The following EHHADH variants were observed in gnomAD, a reference collection of about 807,000 sequenced individuals.
The protein encoded by EHHADH is peroxisomal bifunctional enzyme.
A neutral mutation model predicts 64.4 loss-of-function variants in EHHADH; 48 were observed. That is an observed-to-expected ratio of 0.75 (90% confidence interval 0.59 to 0.95). The LOEUF (loss-of-function observed/expected upper bound fraction) is 0.95. EHHADH is among the 40% of genes least tolerant of loss of function. The pLI, the probability that EHHADH is intolerant of heterozygous loss-of-function variation, is 0.00. For missense variants in EHHADH, 854 were observed against 876.6 expected (o/e 0.97, Z 0.33); for synonymous variants, 308 against 326.7 (o/e 0.94, Z 0.62).
chr3:185,245,606 G>GATCA, intron 2 of EHHADH: 1 of 739,302 alleles, frequency 1.4e-6, no homozygotes, highest in Non-Finnish European at 2.4e-6. Context: ...TGTGTCCAGT[G>GATCA]ATCAGCATGT....
At chr3:185,245,295 G>A (rs943989052) in intron 2 of EHHADH, among the ~76,000 whole-genome samples, 12 of 152,160 alleles carry the variant, frequency 7.9e-5, no homozygotes, top group African/African-American at 2.7e-4. Context: ...TATGTCAACA[G>A]CTTGAGCATC....
At chr3:185,230,290 C>T (rs542715448) in intron 3 of EHHADH, among the ~76,000 whole-genome samples, 1 of 152,176 alleles carries the variant, frequency 6.6e-6, no homozygotes, top group Non-Finnish European at 1.5e-5. Context: ...CATAGAGTTA[C>T]CATATGACCC....
intron 2 of EHHADH, among the ~76,000 whole-genome samples, chr3:185,236,705 C>T (rs975745691): frequency 6.6e-6 from 1 of 152,034 alleles, no homozygotes; most frequent in Non-Finnish European, 1.5e-5. Context: ...CATTATATTT[C>T]ACTCTCTAGT....
chr3:185,220,435 A>G (rs894745932), intron 4 of EHHADH, among the ~76,000 whole-genome samples: 1 of 152,224 alleles, frequency 6.6e-6, no homozygotes, highest in African/African-American at 2.4e-5. Context: ...CAGTACAGTA[A>G]CATGCTGCAC....
rs1390269786 is a variant in EHHADH, at chr3:185,192,676, C to G, written c.1722G>C (p.Lys574Asn). 1 of 1,614,204 alleles carries G rather than the reference C, an allele frequency of 6.2e-7. No homozygotes were observed. The highest frequency in any genetic ancestry group is 8.5e-7 in the Non-Finnish European group (1 of 1,180,032). The change falls in exon 7 of 7, where the codon AAG becomes AAC. Residue 574 changes from lysine to asparagine, a missense_variant. Transcript: ENST00000231887. ...VLCELGRFGQKTGKGWYQYDK... is the reference protein window; with the variant it reads ...VLCELGRFGQNTGKGWYQYDK... ...CATATTGATACCAACCCTTACCTGT[C>G]TTCTGGCCAAATCGTCCTAATTCAC...
At chr3:185,194,144 G>C (rs1481058476) in intron 6 of EHHADH, among the ~76,000 whole-genome samples, 2 of 152,130 alleles carry the variant, frequency 1.3e-5, no homozygotes, top group Non-Finnish European at 2.9e-5. Flanking sequence ...CAAAGTTGGA[G>C]GATTCACTCT....
At chr3:185,240,366 T>C (rs1719415985) in intron 2 of EHHADH, among the ~76,000 whole-genome samples, 1 of 150,860 alleles carries the variant, frequency 6.6e-6, no homozygotes, top group Non-Finnish European at 1.5e-5. Flanking sequence ...TTTGCACATC[T>C]GGTAAAATTT....
Position 185,202,862 on chromosome 3 carries a change from G to A in EHHADH, c.910+1554C>T, listed in dbSNP as rs193051482. Among the ~76,000 whole-genome samples, 206 of 152,196 alleles carry A rather than the reference G, an allele frequency of 1.4e-3. 1 individual carries two copies. Among genetic ancestry groups the A allele is most frequent in the African/African-American group, 4.7e-3 (195 of 41,532 alleles). ...ACCACTGTGCTAGACAGCTGGGCAA[G>A]GGTTAAGAAAGTTGATGCTTTTACA... On this transcript the variant is annotated intron_variant, in intron 6 of 6. Coordinates refer to ENST00000231887, the MANE Select transcript of EHHADH (RefSeq NM_001966.4).
At chr3:185,195,915 CT>C (rs796703691) in intron 6 of EHHADH, among the ~76,000 whole-genome samples, 9 of 152,260 alleles carry the variant, frequency 5.9e-5, no homozygotes, top group East Asian at 1.9e-4. Context: ...CACGTACCCC[CT>C]GAATCTAAAA....
At chr3:185,194,358 A>G (rs1173117139) in intron 6 of EHHADH, among the ~76,000 whole-genome samples, 1 of 152,114 alleles carries the variant, frequency 6.6e-6, no homozygotes, top group Non-Finnish European at 1.5e-5. Context: ...CACACTTGTA[A>G]TCCCAGCACT....
At chr3:185,205,049 TG>T (rs1469958092) in intron 5 of EHHADH, among the ~76,000 whole-genome samples, 1 of 151,858 alleles carries the variant, frequency 6.6e-6, no homozygotes, top group Non-Finnish European at 1.5e-5. Context: ...AATAGATTAA[TG>T]ATTAATTAAT....
At chr3:185,241,444 C>T (rs1219939233) in intron 2 of EHHADH, among the ~76,000 whole-genome samples, 4 of 152,294 alleles carry the variant, frequency 2.6e-5, no homozygotes, top group East Asian at 1.9e-4. Context: ...TCCTTTTCAT[C>T]GCATCCACAT....
intron 1 of EHHADH, among the ~76,000 whole-genome samples, chr3:185,250,029 G>C (rs138245043): frequency 6.6e-6 from 1 of 152,214 alleles, no homozygotes; most frequent in Non-Finnish European, 1.5e-5. Flanking sequence ...GGATGGTAGA[G>C]CAAGAGATAG....
chr3:185,213,584 A>G (rs1718606347), intron 5 of EHHADH, among the ~76,000 whole-genome samples: 1 of 152,152 alleles, frequency 6.6e-6, no homozygotes, highest in South Asian at 2.1e-4. Context: ...TAACCACTGT[A>G]TTTAAAACAA....
chr3:185,226,187 C>A (rs143341730), intron 4 of EHHADH, among the ~76,000 whole-genome samples: 4 of 152,290 alleles, frequency 2.6e-5, no homozygotes, highest in African/African-American at 7.2e-5. Context: ...GCATGTGACT[C>A]TAACGGTAGG....
chr3:185,242,864 C>T (rs1214302172), intron 2 of EHHADH, among the ~76,000 whole-genome samples: 5 of 152,336 alleles, frequency 3.3e-5, no homozygotes, highest in East Asian at 3.9e-4. Flanking sequence ...CACCCTCCCC[C>T]GAGTTCTGGC....
intron 4 of EHHADH, 77 bp from the exon 5 acceptor site, chr3:185,218,317 G>T: frequency 2.1e-6 from 2 of 942,362 alleles, no homozygotes; most frequent in Non-Finnish European, 3.2e-6. Context: ...ACTCTCTCTA[G>T]TAGGAAAGGC....
rs1015982609 is a variant in EHHADH, at chr3:185,210,377, T to C, written c.569-5620A>G. On this transcript the variant is annotated intron_variant, in intron 5 of 6. Coordinates refer to ENST00000231887, the MANE Select transcript of EHHADH (RefSeq NM_001966.4). ...AGTTAAGAATCTTTGCCGGGCACAG[T>C]GTAATCCCAGCACTTTGGGAGGCCG... Among the ~76,000 whole-genome samples the C allele has an allele frequency of 1.3e-4, 20 of 152,158 alleles. 1 individual carries two copies. Among genetic ancestry groups the C allele is most frequent in the African/African-American group, 3.9e-4 (16 of 41,504 alleles).
Position 185,204,702 on chromosome 3 carries a change from GT to G in EHHADH, c.623del (p.Asn208ThrfsTer11). On this transcript the variant is annotated frameshift_variant, in exon 6 of 7. Transcript: ENST00000231887. LOFTEE classifies it high-confidence loss of function. ...LCNKPIQSLP[N>X]MDSIFSEALL... Reference sequence around the variant, plus strand: ...GGGCCTCACTAAAAATGCTGTCCATGTTGGGCAAGCTCTGAATTGGCTTGTT... The same window carrying G: ...GGGCCTCACTAAAAATGCTGTCCATGTGGGCAAGCTCTGAATTGGCTTGTT... 1 of 1,614,106 alleles carries G rather than the reference GT, an allele frequency of 6.2e-7. No homozygotes were observed. Among genetic ancestry groups the G allele is most frequent in the Non-Finnish European group, 8.5e-7 (1 of 1,179,964 alleles).
Sources: allele counts gnomAD v4.1 joint callset (sites outside exome capture counted in the v4.1 genomes callset), GRCh38; gene constraint gnomAD v4.1.1; transcripts MANE v1.5; gene names NCBI Gene and HGNC (gene_info 2026-07-23, HGNC 2026-07-21).